The following SUSD4 variants were observed in gnomAD, a reference collection of about 807,000 sequenced individuals.
SUSD4 encodes sushi domain containing 4, also known as sushi domain-containing protein 4.
SUSD4 carries 41 observed loss-of-function variants against 50.5 expected under a neutral mutation model. That is an observed-to-expected ratio of 0.81 (90% CI 0.63 to 1.05). SUSD4 has a LOEUF of 1.05. SUSD4 is among the 50% of genes least tolerant of loss of function. The probability of loss-of-function intolerance (pLI) is 0.00; values close to 1 mark genes in which losing one functional copy is unlikely to be tolerated. For missense variants in SUSD4, 580 were observed against 634.7 expected (o/e 0.91, Z 0.93); for synonymous variants, 257 against 257.3 (o/e 1.00, Z 0.01).
At chr1:223,292,940 C>T (rs778037623) in intron 2 of SUSD4, among the ~76,000 whole-genome samples, 1 of 152,128 alleles carries the variant, frequency 6.6e-6, no homozygotes. Flanking sequence ...ACAAGTGCCA[C>T]AAAAGATGTA....
intron 5 of SUSD4, among the ~76,000 whole-genome samples, chr1:223,232,555 T>TA (rs1247741890): frequency 6.6e-6 from 1 of 152,232 alleles, no homozygotes; most frequent in African/African-American, 2.4e-5. Context: ...AGAGCCCACA[T>TA]AAATGTATGC....
intron 2 of SUSD4, among the ~76,000 whole-genome samples, chr1:223,307,966 C>T (rs1164089277): frequency 6.6e-6 from 1 of 152,128 alleles, no homozygotes; most frequent in Non-Finnish European, 1.5e-5. Flanking sequence ...ACAACAACAG[C>T]TAATTATTGA....
intron 3 of SUSD4, among the ~76,000 whole-genome samples, chr1:223,291,481 A>C: frequency 9.1e-6 from 1 of 110,446 alleles, no homozygotes. Flanking sequence ...AGAGGGAGAC[A>C]CTGTCTCAAA....
intron 4 of SUSD4, among the ~76,000 whole-genome samples, chr1:223,266,590 G>T (rs1428961480): frequency 6.6e-6 from 1 of 152,176 alleles, no homozygotes; most frequent in Non-Finnish European, 1.5e-5. Flanking sequence ...ACAGGAGAAG[G>T]AAAGATATTC....
intron 2 of SUSD4, among the ~76,000 whole-genome samples, chr1:223,308,478 T>C (rs978017053): frequency 6.6e-6 from 1 of 152,162 alleles, no homozygotes; most frequent in African/African-American, 2.4e-5. Flanking sequence ...ACCCGTAAGC[T>C]AATAAAACCT....
intron 2 of SUSD4, among the ~76,000 whole-genome samples, chr1:223,328,388 C>T (rs1666994069): frequency 6.6e-6 from 1 of 152,216 alleles, no homozygotes; most frequent in African/African-American, 2.4e-5. Flanking sequence ...CAGTCCCCTT[C>T]CTCCTCTCTG....
intron 2 of SUSD4, among the ~76,000 whole-genome samples, chr1:223,343,659 G>T (rs1293988025): frequency 1.3e-5 from 2 of 152,130 alleles, no homozygotes; most frequent in Non-Finnish European, 2.9e-5. Flanking sequence ...CTAACAGAGG[G>T]TTAGTGTGAC....
intron 2 of SUSD4, among the ~76,000 whole-genome samples, chr1:223,339,847 G>A (rs2103296371): frequency 6.6e-6 from 1 of 152,322 alleles, no homozygotes; most frequent in African/African-American, 2.4e-5. Context: ...GGCTGGGCCT[G>A]AGGCCCACCG....
At chr1:223,263,581 T>C (rs1662272104) in intron 5 of SUSD4, 1 of 985,274 alleles carries the variant, frequency 1.0e-6, no homozygotes, top group Non-Finnish European at 1.2e-6. Context: ...ACAAAACCAA[T>C]GGGAAGGGCT....
intron 5 of SUSD4, among the ~76,000 whole-genome samples, chr1:223,246,465 G>C (rs1326093963): frequency 6.6e-6 from 1 of 152,092 alleles, no homozygotes; most frequent in Non-Finnish European, 1.5e-5. Context: ...TCCAGGGAGA[G>C]CCCCGCCCCC....
Position 223,231,935 on chromosome 1 carries a change from T to C in SUSD4, c.725-2547A>G, listed in dbSNP as rs189534008. Among the ~76,000 whole-genome samples, 1 of 152,206 alleles carries C rather than the reference T, an allele frequency of 6.6e-6. No homozygotes were observed. Among genetic ancestry groups the C allele is most frequent in the Admixed American group, 6.5e-5 (1 of 15,296 alleles). ...GGTATGGCAAGTGTCCATTGACAGA[T>C]GAATGGATAAAGAAAATATAGGCAA... On this transcript the variant is annotated intron_variant, in intron 5 of 8. Transcript: ENST00000366878. This position sits in a 1 kb window ranked among gnomAD's most constrained non-coding sequence, Gnocchi z 4.2.
In SUSD4 at chr1:223,231,735, C is replaced by T. The variant is rs143318183; in HGVS notation, c.725-2347G>A. Reference sequence around the variant, plus strand: ...TCTTCTCTCCTTGGAGGCCCTCCTCCGTGCTGCTTCTCCTCTACTCAATTC... The same window carrying T: ...TCTTCTCTCCTTGGAGGCCCTCCTCTGTGCTGCTTCTCCTCTACTCAATTC... On this transcript the variant is annotated intron_variant, in intron 5 of 8. Transcript: ENST00000366878. The surrounding 1 kb of genome is among the most constrained non-coding windows in gnomAD (Gnocchi z 4.2). 6.6e-6 allele frequency among the ~76,000 whole-genome samples: 1 copy of T among 152,192 alleles called. No homozygotes were observed. Among genetic ancestry groups the T allele is most frequent in the Non-Finnish European group, 1.5e-5 (1 of 68,024 alleles).
chr1:223,254,896 T>C (rs570135334), intron 5 of SUSD4, among the ~76,000 whole-genome samples: 14 of 140,014 alleles, frequency 1.0e-4, no homozygotes, highest in African/African-American at 3.4e-4. Context: ...CTGTAATATA[T>C]GAACAGTACA....
At chr1:223,325,570 G>A (rs1355156070) in intron 2 of SUSD4, among the ~76,000 whole-genome samples, 3 of 152,134 alleles carry the variant, frequency 2.0e-5, no homozygotes, top group Admixed American at 6.5e-5. Flanking sequence ...TGGAAAAGAG[G>A]AAGTCAAACT....
chr1:223,273,686 G>A (rs1230115555), intron 3 of SUSD4, among the ~76,000 whole-genome samples: 3 of 152,244 alleles, frequency 2.0e-5, no homozygotes, highest in Admixed American at 2.0e-4. Context: ...GGTCAGCCAT[G>A]CCCACGTGAC....
intron 2 of SUSD4, among the ~76,000 whole-genome samples, chr1:223,346,510 G>A (rs1031250834): frequency 1.3e-5 from 2 of 152,064 alleles, no homozygotes; most frequent in African/African-American, 4.8e-5. Context: ...AACTCCCATG[G>A]CTGAGTGCCC....
chr1:223,251,749 T>G (rs1032760966), intron 5 of SUSD4, among the ~76,000 whole-genome samples: 5 of 152,158 alleles, frequency 3.3e-5, no homozygotes, highest in Non-Finnish European at 5.9e-5. Flanking sequence ...ATGATTTATA[T>G]TCCTTTGGGT....
chr1:223,329,249 A>G (rs995951640), intron 2 of SUSD4, among the ~76,000 whole-genome samples: 1 of 152,228 alleles, frequency 6.6e-6, no homozygotes, highest in Non-Finnish European at 1.5e-5. Flanking sequence ...TCACATGTAG[A>G]TAAAATTTGG....
In SUSD4 at chr1:223,264,718, G is replaced by A. The variant is rs147182028; in HGVS notation, c.636C>T (p.Pro212=). Residue 212 remains proline (P), a synonymous_variant, in exon 5 of 9, where the codon CCC becomes CCT. Coordinates refer to ENST00000366878, the MANE Select transcript of SUSD4 (RefSeq NM_017982.4). ...VGTVISYRCF[P]GFKLDGSAYL... ...ACGCAGACCCATCAAGTTTAAATCC[G>A]GGAAAGCAGCGATAGGAGATCACAG... 1,303 of 1,614,194 alleles carry A rather than the reference G, an allele frequency of 8.1e-4. 1 individual carries two copies. Among genetic ancestry groups the A allele is most frequent in the Non-Finnish European group, 1.0e-3 (1,229 of 1,180,034 alleles).
Sources: allele counts gnomAD v4.1 joint callset (sites outside exome capture counted in the v4.1 genomes callset), GRCh38; gene constraint gnomAD v4.1.1; non-coding constraint Gnocchi (gnomAD v3.1); transcripts MANE v1.5; gene names NCBI Gene and HGNC (gene_info 2026-07-23, HGNC 2026-07-21).